NALF1: variants seen among roughly 807,000 people sequenced by gnomAD.
NALF1 encodes NALCN channel auxiliary factor 1.
NALF1 carries 3 observed loss-of-function variants against 48.4 expected under a neutral mutation model. The ratio of observed to expected loss-of-function variants is 0.06; its 90% CI spans 0.03 to 0.16. The LOEUF (loss-of-function observed/expected upper bound fraction) is 0.16. Among genes scored for constraint, NALF1 ranks in the 10% least tolerant of loss-of-function variants. NALF1 has a pLI of 1.00. For synonymous variants in NALF1, 262 were observed against 245.7 expected (o/e 1.07, Z -0.62); for missense variants, 526 against 571.5 (o/e 0.92, Z 0.81).
At chr13:107,534,350 T>A (rs1876737781) in intron 1 of NALF1, among the ~76,000 whole-genome samples, 1 of 152,152 alleles carries the variant, frequency 6.6e-6, no homozygotes, top group Admixed American at 6.6e-5. Context: ...TATTAACATT[T>A]TCCTCTAAGA....
intron 1 of NALF1, among the ~76,000 whole-genome samples, chr13:107,762,436 T>G (rs1877289478): frequency 6.6e-6 from 1 of 150,532 alleles, no homozygotes; most frequent in South Asian, 2.1e-4. Context: ...TTTTAAAAAA[T>G]TAAATTAAAA....
intron 1 of NALF1, among the ~76,000 whole-genome samples, chr13:107,500,158 A>G (rs1875471703): frequency 6.6e-6 from 1 of 152,198 alleles, no homozygotes; most frequent in Admixed American, 6.6e-5. Context: ...ATGCAAAAAA[A>G]CACTCCACTG....
At chr13:107,402,610 T>C (rs1019149097) in intron 1 of NALF1, among the ~76,000 whole-genome samples, 6 of 152,210 alleles carry the variant, frequency 3.9e-5, no homozygotes, top group African/African-American at 1.2e-4. Flanking sequence ...TTTTAACTTA[T>C]GTGTATGTTA....
intron 2 of NALF1, among the ~76,000 whole-genome samples, chr13:107,172,217 C>G (rs572166884): frequency 6.6e-6 from 1 of 152,180 alleles, no homozygotes; most frequent in Non-Finnish European, 1.5e-5. Context: ...TGTACTCATA[C>G]CCCTGGGCTA....
chr13:107,667,174 C>T (rs1377051767), intron 1 of NALF1, among the ~76,000 whole-genome samples: 1 of 151,888 alleles, frequency 6.6e-6, no homozygotes, highest in Non-Finnish European at 1.5e-5. Flanking sequence ...AACAGATACC[C>T]AACAATTTAA....
intron 1 of NALF1, among the ~76,000 whole-genome samples, chr13:107,533,459 C>T (rs1469248827): frequency 6.6e-6 from 1 of 152,102 alleles, no homozygotes; most frequent in African/African-American, 2.4e-5. Flanking sequence ...GCCTTCCTCC[C>T]CTACAGAGGA....
intron 1 of NALF1, among the ~76,000 whole-genome samples, chr13:107,848,591 T>C (rs965905755): frequency 1.3e-5 from 2 of 152,196 alleles, no homozygotes; most frequent in East Asian, 1.9e-4. Context: ...CAGTAACACA[T>C]ATGAGTATAA....
At chr13:107,795,918 AT>A (rs1229618220) in intron 1 of NALF1, among the ~76,000 whole-genome samples, 3 of 151,986 alleles carry the variant, frequency 2.0e-5, no homozygotes, top group African/African-American at 7.2e-5. Flanking sequence ...TTTTTTCTTT[AT>A]TTTCTTATTC....
chr13:107,755,211 GCTCC>G (rs529997298), intron 1 of NALF1, among the ~76,000 whole-genome samples: 48 of 152,170 alleles, frequency 3.2e-4, no homozygotes, highest in African/African-American at 1.1e-3. Flanking sequence ...CCTGCCTACG[GCTCC>G]CTTTTATCTT....
Position 107,562,797 on chromosome 13 carries a change from C to A in NALF1, c.915+302885G>T, listed in dbSNP as rs542079477. ...GTTCTTAACATGAAGGAGTACCATG[C>A]AATAATCTGATGAAACAGGAGTGAG... On this transcript the variant is annotated intron_variant, in intron 1 of 2. Coordinates refer to ENST00000375915, the MANE Select transcript of NALF1 (RefSeq NM_001080396.3). Among the ~76,000 whole-genome samples, 12 of 152,286 alleles carry A rather than the reference C, an allele frequency of 7.9e-5. No individual in the cohort carries two copies. The South Asian group carries it at 2.3e-3, about 29-fold the overall frequency.
chr13:107,552,771 T>C (rs1256338979), intron 1 of NALF1, among the ~76,000 whole-genome samples: 1 of 152,204 alleles, frequency 6.6e-6, no homozygotes, highest in Non-Finnish European at 1.5e-5. Flanking sequence ...GCAAGTTTTT[T>C]ATTGTTCTTT....
chr13:107,707,607 A>T (rs1437338019), intron 1 of NALF1, among the ~76,000 whole-genome samples: 2 of 152,210 alleles, frequency 1.3e-5, no homozygotes, highest in African/African-American at 2.4e-5. Flanking sequence ...GCAGGAATGC[A>T]CAGACCAGTT....
At chr13:107,274,003 A>C (rs4643164) in intron 1 of NALF1, among the ~76,000 whole-genome samples, 112,788 of 151,926 alleles carry the variant, frequency 0.74, 42,745 homozygotes, top group South Asian at 0.88. Flanking sequence ...CATCTGAGAA[A>C]CTACATTCAC....
intron 1 of NALF1, among the ~76,000 whole-genome samples, chr13:107,854,805 C>T (rs1320959008): frequency 1.4e-5 from 2 of 147,376 alleles, no homozygotes; most frequent in Admixed American, 1.4e-4. Flanking sequence ...ACCCGGGAGG[C>T]GGCGGTTGCA....
chr13:107,585,622 C>T (rs1206951872), intron 1 of NALF1, among the ~76,000 whole-genome samples: 1 of 152,164 alleles, frequency 6.6e-6, no homozygotes, highest in Non-Finnish European at 1.5e-5. Flanking sequence ...GATGGCGGCT[C>T]CACTATGGGA....
chr13:107,305,661 C>T (rs893639592), intron 1 of NALF1, among the ~76,000 whole-genome samples: 2 of 152,148 alleles, frequency 1.3e-5, no homozygotes, highest in Admixed American at 1.3e-4. Context: ...GAATACTATA[C>T]AGCCATAAAA....
chr13:107,622,443 A>C (rs959441241), intron 1 of NALF1, among the ~76,000 whole-genome samples: 2 of 131,530 alleles, frequency 1.5e-5, no homozygotes, highest in African/African-American at 2.6e-5. Flanking sequence ...CTGTCTCAAA[A>C]AAACAAACAA....
rs997986766 is a variant in NALF1, at chr13:107,518,083, G to A, written c.916-307328C>T. 9.2e-5 allele frequency among the ~76,000 whole-genome samples: 14 copies of A among 152,266 alleles called. No homozygotes were observed. In the Middle Eastern group the frequency reaches 0.014, roughly 148 times the overall value. The stretch of plus-strand genomic sequence containing the variant: ...GAAAGAGACAAAGTTGAGAAGACTC[G>A]ATGCACTGAAATAAGTGAGAGATAA... On this transcript the variant is annotated intron_variant, in intron 1 of 2. Transcript: ENST00000375915.
chr13:107,755,334 C>T (rs61966053), intron 1 of NALF1, among the ~76,000 whole-genome samples: 3 of 152,000 alleles, frequency 2.0e-5, no homozygotes, highest in Non-Finnish European at 4.4e-5. Context: ...TCCTCTATTT[C>T]TTCTTCAGGC....
Sources: gnomAD v4.1 joint callset for allele counts (sites outside exome capture counted in the v4.1 genomes callset) on GRCh38, gnomAD v4.1.1 for gene constraint, MANE v1.5 for transcripts, NCBI Gene and HGNC (gene_info 2026-07-23, HGNC 2026-07-21) for gene names.